Variants in CRK observed in about 807,000 individuals in gnomAD.
CRK encodes CRK proto-oncogene, adaptor protein.
Under a neutral mutation model 29.8 loss-of-function variants are expected in CRK, and 4 were observed. That is an observed-to-expected ratio of 0.13 (90% CI 0.07 to 0.31). CRK has a LOEUF of 0.31. Ranked by LOEUF, CRK falls within the 10% of genes least tolerant of loss-of-function variation. CRK has a pLI of 1.00. For missense variants in CRK, 274 were observed against 396.5 expected (o/e 0.69, Z 2.62); for synonymous variants, 153 against 164.9 (o/e 0.93, Z 0.55).
In CRK at chr17:1,423,514, C is replaced by T; in HGVS notation, c.914G>A (p.Ter305=). Residue 305 remains the stop codon, a stop_retained_variant, in exon 3 of 3, where the codon TGA becomes TAA. Transcript: ENST00000300574. The stretch of plus-strand genomic sequence containing the variant: ...GTCAGCAAAACTGTTGAACTATACT[C>T]AGCTGAAGTCCTCATCGGGATTCTG... ...DQQNPDEDFS[*] is the part of the protein sequence containing the mutation. 1 of 1,613,446 alleles carries T rather than the reference C, an allele frequency of 6.2e-7. No individual in the cohort carries two copies. The highest frequency in any genetic ancestry group is 8.5e-7 in the Non-Finnish European group (1 of 1,179,754).
At position 1,422,928 on chromosome 17, in the gene CRK, G is replaced by A; in HGVS notation, c.*585C>T. 1 of 398,998 alleles carries A rather than the reference G, an allele frequency of 2.5e-6. No homozygotes were observed. The highest frequency in any genetic ancestry group is 4.4e-5 in the Admixed American group (1 of 22,722). 24.7% of individuals were successfully genotyped at this position (398,998 alleles called of 1,614,324 possible). On this transcript the variant is annotated 3_prime_UTR_variant, in exon 3 of 3. Coordinates refer to ENST00000300574, the MANE Select transcript of CRK (RefSeq NM_016823.4). ...ATGTCAAGGGCTAAAAGAATCCCAA[G>A]AAAAAGTATGAAGCATTGACTAGGA...
At chr17:1,445,126 C>T (rs1486293830) in intron 1 of CRK, among the ~76,000 whole-genome samples, 7 of 144,140 alleles carry the variant, frequency 4.9e-5, no homozygotes, top group Non-Finnish European at 1.1e-4. Flanking sequence ...CCAGCCTGGG[C>T]GACAGAGCGA....
intron 1 of CRK, among the ~76,000 whole-genome samples, chr17:1,453,876 C>T (rs373184562): frequency 2.0e-5 from 3 of 151,684 alleles, no homozygotes; most frequent in South Asian, 4.2e-4. Context: ...CCATCGCACT[C>T]CAGCCTGGGC....
chr17:1,445,714 C>T (rs761133365), intron 1 of CRK, among the ~76,000 whole-genome samples: 1 of 152,040 alleles, frequency 6.6e-6, no homozygotes, highest in African/African-American at 2.4e-5. Context: ...TCAGTGTGAG[C>T]GCATAGGGAC....
intron 1 of CRK, among the ~76,000 whole-genome samples, chr17:1,443,169 G>A (rs1388714340): frequency 6.7e-6 from 1 of 149,572 alleles, no homozygotes; most frequent in Non-Finnish European, 1.5e-5. Flanking sequence ...TAGTAGAGAT[G>A]GGGGTTTCAC....
At position 1,421,219 on chromosome 17, in the gene CRK, G is replaced by C. The variant is rs1023625678; in HGVS notation, c.*2294C>G. The C allele has an allele frequency of 2.0e-5, 3 of 152,188 alleles. No homozygotes were observed. Among genetic ancestry groups the C allele is most frequent in the Admixed American group, 1.3e-4 (2 of 15,252 alleles). 9.4% of individuals were successfully genotyped at this position (152,188 alleles called of 1,614,324 possible). A position where few individuals can be genotyped will look rare whatever the true frequency, so the allele number is the denominator to read the frequency against. ...GATCACTGAGGAATCCTTAGGACTT[G>C]AGTAGCGCTGCCTGTTCCACTGATA... On this transcript the variant is annotated 3_prime_UTR_variant, in exon 3 of 3. Transcript: ENST00000300574.
intron 2 of CRK, among the ~76,000 whole-genome samples, chr17:1,425,080 T>C (rs1245914889): frequency 6.6e-6 from 1 of 151,814 alleles, no homozygotes; most frequent in Admixed American, 6.6e-5. Flanking sequence ...CAAAATGAAA[T>C]ATAAAGGTTT....
At chr17:1,444,597 G>GGC (rs773304870) in intron 1 of CRK, among the ~76,000 whole-genome samples, 1 of 110,486 alleles carries the variant, frequency 9.1e-6, no homozygotes, top group South Asian at 2.4e-4. Context: ...AGCCGAAGCG[G>GGC]GGGGGGGGAT....
chr17:1,439,879 G>A (rs1354708681), intron 1 of CRK, among the ~76,000 whole-genome samples: 2 of 151,990 alleles, frequency 1.3e-5, no homozygotes, highest in East Asian at 1.9e-4. Context: ...TTTGTTGGGC[G>A]TGGTGCCTCA....
intron 1 of CRK, among the ~76,000 whole-genome samples, chr17:1,438,815 G>C (rs1016998677): frequency 6.6e-6 from 1 of 151,582 alleles, no homozygotes; most frequent in Non-Finnish European, 1.5e-5. Flanking sequence ...CAAACAAAAC[G>C]AGTAAATTCA....
chr17:1,446,333 C>A (rs1033273038), intron 1 of CRK, among the ~76,000 whole-genome samples: 1 of 152,098 alleles, frequency 6.6e-6, no homozygotes, highest in Admixed American at 6.6e-5. Context: ...TGAGCAACTA[C>A]GACCATCTGT....
rs1568005864 is a variant in CRK at position 1,423,569 on chromosome 17, G to A, written c.859C>T (p.Pro287Ser). The A allele has an allele frequency of 1.2e-6, 2 of 1,613,980 alleles. No homozygotes were observed. The highest frequency in any genetic ancestry group is 1.7e-6 in the Non-Finnish European group (2 of 1,180,024). The change falls in exon 3 of 3, where the codon CCA becomes TCA. Residue 287 changes from proline (P) to serine (S), a missense_variant. Coordinates refer to ENST00000300574, the MANE Select transcript of CRK (RefSeq NM_016823.4). Reference protein sequence around the residue: ...GECNGKRGHFPFTHVRLLDQQ... With the variant: ...GECNGKRGHFSFTHVRLLDQQ... ...TCCAGCAGACGGACATGTGTGAATG[G>A]GAAGTGACCTCGTTTGCCATTACAC...
chr17:1,451,386 A>T (rs2074016982), intron 1 of CRK, among the ~76,000 whole-genome samples: 1 of 151,436 alleles, frequency 6.6e-6, no homozygotes, highest in South Asian at 2.1e-4. Flanking sequence ...GTCCGCCACC[A>T]CGCCCAGCTA....
chr17:1,453,632 T>C (rs2074035141), intron 1 of CRK, among the ~76,000 whole-genome samples: 1 of 152,306 alleles, frequency 6.6e-6, no homozygotes, highest in South Asian at 2.1e-4. Context: ...TTAGACTGGG[T>C]GTGGTGGCTC....
chr17:1,439,504 GAAGT>G (rs2073918044), intron 1 of CRK, among the ~76,000 whole-genome samples: 1 of 152,110 alleles, frequency 6.6e-6, no homozygotes, highest in Non-Finnish European at 1.5e-5. Context: ...GTTTCCTGAA[GAAGT>G]AATAAACAAC....
In CRK at chr17:1,422,827, C is replaced by T; in HGVS notation, c.*686G>A. On this transcript the variant is annotated 3_prime_UTR_variant, in exon 3 of 3. Transcript: ENST00000300574. Reference sequence around the variant, plus strand: ...TATGCACTGAATAAAGTGCTCGGTACATCCTGCTTTTCACCTGGAATGAAA... The same window carrying T: ...TATGCACTGAATAAAGTGCTCGGTATATCCTGCTTTTCACCTGGAATGAAA... 1 of 398,064 alleles carries T rather than the reference C, an allele frequency of 2.5e-6. No homozygotes were observed. The highest frequency in any genetic ancestry group is 4.4e-6 in the Non-Finnish European group (1 of 226,004). 24.7% of individuals were successfully genotyped at this position (398,064 alleles called of 1,614,324 possible). A position where few individuals can be genotyped will look rare whatever the true frequency, so the allele number is the denominator to read the frequency against.
chr17:1,446,061 C>G (rs1202852007), intron 1 of CRK, among the ~76,000 whole-genome samples: 1 of 152,098 alleles, frequency 6.6e-6, no homozygotes, highest in East Asian at 1.9e-4. Flanking sequence ...CCGCGCCCAG[C>G]CAGATATTAT....
At chr17:1,429,575 A>G (rs530980722) in intron 2 of CRK, among the ~76,000 whole-genome samples, 30 of 151,568 alleles carry the variant, frequency 2.0e-4, no homozygotes, top group Non-Finnish European at 3.7e-4. Context: ...TGCCCAGCTG[A>G]GCCCAGGAGT....
intron 1 of CRK, among the ~76,000 whole-genome samples, chr17:1,454,288 C>T (rs577769075): frequency 1.1e-3 from 172 of 152,244 alleles, no homozygotes; most frequent in African/African-American, 3.9e-3. Flanking sequence ...TGCCTGTAAT[C>T]CCAGCACTTT....
Sources: gnomAD v4.1 joint callset for allele counts (sites outside exome capture counted in the v4.1 genomes callset) on GRCh38, gnomAD v4.1.1 for gene constraint, MANE v1.5 for transcripts, NCBI Gene and HGNC (gene_info 2026-07-23, HGNC 2026-07-21) for gene names.